Variants in STARD9 observed in about 807,000 individuals in gnomAD.
STARD9 encodes the protein stAR-related lipid transfer protein 9.
Under a neutral mutation model 399.8 loss-of-function variants are expected in STARD9, and 346 were observed. That is an observed-to-expected ratio of 0.87 (90% confidence interval 0.79 to 0.95). STARD9 has a LOEUF of 0.95. Among genes scored for constraint, STARD9 ranks in the 40% least tolerant of loss-of-function variants. STARD9 has a pLI of 0.00. For synonymous variants in STARD9, 2,203 were observed against 2,143.5 expected, an observed-to-expected ratio of 1.03 and a Z score of -0.77; for missense variants, 5,832 against 5,667.5, an observed-to-expected ratio of 1.03 and a Z score of -0.93.
rs2060321796 is a variant in STARD9 at position 42,676,893 on chromosome 15, A to G, written c.1874+918A>G. 1.3e-5 allele frequency among the ~76,000 whole-genome samples: 2 copies of G among 151,996 alleles called. 1 individual carries two copies. Among genetic ancestry groups the G allele is most frequent in the South Asian group, 4.2e-4 (2 of 4,816 alleles). On this transcript the variant is annotated intron_variant, in intron 20 of 32. Coordinates refer to ENST00000290607, the MANE Select transcript of STARD9 (RefSeq NM_020759.3). The stretch of plus-strand genomic sequence containing the variant: ...TCTTTCCTCAGGCCAGCAGCATTTG[A>G]TGGCAGATGAAGACAATCTTATGTC...
In STARD9 at chr15:42,651,067, A is replaced by T; in HGVS notation, c.611A>T (p.Glu204Val). Reference sequence around the variant, plus strand: ...TATAAGCAAGTAATCCAACTCTTGGAGGAGGGAATTGCAAACAGGTAACAG... The same window carrying T: ...TATAAGCAAGTAATCCAACTCTTGGTGGAGGGAATTGCAAACAGGTAACAG... Reference protein sequence around the residue: ...TNYKQVIQLLEEGIANRITAA... With the variant: ...TNYKQVIQLLVEGIANRITAA... The change falls in exon 8 of 33, where the codon GAG becomes GTG. Residue 204 changes from glutamate (E) to valine (V), a missense_variant. Glu to Val is a moderately radical substitution (Grantham distance 121). Around this residue, in one of 2 missense-constraint regions of STARD9, gnomAD observed 5,828 missense variants for 5,651.1 expected, o/e 1.03. Coordinates refer to ENST00000290607, the MANE Select transcript of STARD9 (RefSeq NM_020759.3). The T allele has an allele frequency of 6.5e-7, 1 of 1,534,788 alleles. No individual in the cohort carries two copies. Among genetic ancestry groups the T allele is most frequent in the South Asian group, 1.2e-5 (1 of 83,900 alleles).
At chr15:42,617,172 A>G (rs1015361985) in intron 3 of STARD9, among the ~76,000 whole-genome samples, 2 of 152,224 alleles carry the variant, frequency 1.3e-5, no homozygotes, top group Admixed American at 1.3e-4. Flanking sequence ...TACATGCTTT[A>G]CAAATACTGG....
At chr15:42,714,400 T>A (rs1566968030) in intron 26 of STARD9, among the ~76,000 whole-genome samples, 1 of 152,176 alleles carries the variant, frequency 6.6e-6, no homozygotes, top group East Asian at 1.9e-4. Flanking sequence ...TTGAGTCAGT[T>A]TAACTTTTGA....
At position 42,711,329 on chromosome 15, in the gene STARD9, C is replaced by T. The variant is rs552989449; in HGVS notation, c.13285-5348C>T. The stretch of plus-strand genomic sequence containing the variant: ...TAATTTTTTGTATTTTTAGTAGAGA[C>T]GGGGTTTCACCATGTTGGCCAGGCT... On this transcript the variant is annotated intron_variant, in intron 26 of 32. Transcript: ENST00000290607. Among the ~76,000 whole-genome samples the T allele has an allele frequency of 2.0e-4, 31 of 152,086 alleles. 1 individual carries two copies. Among genetic ancestry groups the T allele is most frequent in the African/African-American group, 6.3e-4 (26 of 41,472 alleles).
At chr15:42,694,769 G>A (rs1209730346) in intron 24 of STARD9, 44 bp downstream of exon 24, 1 of 1,504,832 alleles carries the variant, frequency 6.6e-7, no homozygotes, top group South Asian at 1.2e-5. Flanking sequence ...CTCTGTTGGG[G>A]GAGGGGAGTA....
chr15:42,639,948 G>A (rs937135203), intron 7 of STARD9, among the ~76,000 whole-genome samples: 10 of 151,892 alleles, frequency 6.6e-5, no homozygotes, highest in African/African-American at 2.4e-4. Context: ...TTAGCCACAA[G>A]GTCTTATTCT....
In STARD9 at chr15:42,663,280, G is replaced by A. The variant is rs79640960; in HGVS notation, c.869-1G>A. On this transcript the variant is annotated splice_acceptor_variant, in intron 11 of 32. Coordinates refer to ENST00000290607, the MANE Select transcript of STARD9 (RefSeq NM_020759.3). LOFTEE classifies it high-confidence loss of function. ...TCCATTTTCTTTTTTCATCTTTTAA[G>A]CCCAGAACTCCCAAGTTTTCAGCAG... is the stretch of plus-strand genomic sequence containing the variant. 6.5e-7 allele frequency: 1 copy of A among 1,528,450 alleles called. No homozygotes were observed. The highest frequency in any genetic ancestry group is 8.8e-7 in the Non-Finnish European group (1 of 1,140,622). 94.7% of individuals were successfully genotyped at this position (1,528,450 alleles called of 1,614,324 possible).
intron 24 of STARD9, 116 bp downstream of exon 24, chr15:42,694,841 G>A (rs2060805905): frequency 2.9e-6 from 2 of 682,688 alleles, no homozygotes; most frequent in African/African-American, 1.8e-5. Flanking sequence ...CAGGGTAAAT[G>A]GAAAGAGGAC....
rs773084300 is a variant in STARD9, at chr15:42,684,310, C to A, written c.2732C>A (p.Ala911Asp). The A allele has an allele frequency of 3.3e-6, 5 of 1,536,774 alleles. No individual in the cohort carries two copies. The highest frequency in any genetic ancestry group is 4.4e-6 in the Non-Finnish European group (5 of 1,146,654). Residue 911 changes from alanine (A) to aspartate (D), a missense_variant, in exon 23 of 33, where the codon GCC becomes GAC. By Grantham distance (126) the Ala-to-Asp change is moderately radical. This residue lies in a region of STARD9 where 5,828 missense variants were observed against 5,651.1 expected (regional missense o/e 1.03). Transcript: ENST00000290607. ...GQPCTARAALARKGASAPDAC... is the reference protein window; with the variant it reads ...GQPCTARAALDRKGASAPDAC... ...CCCTGCACAGCCAGAGCAGCCTTGG[C>A]CAGGAAGGGAGCCTCAGCTCCAGAC...
intron 22 of STARD9, among the ~76,000 whole-genome samples, chr15:42,683,502 A>G (rs1186861336): frequency 6.6e-6 from 1 of 152,204 alleles, no homozygotes; most frequent in Non-Finnish European, 1.5e-5. Flanking sequence ...TTATTGTGAC[A>G]GCTACCAAAA....
At chr15:42,675,055 A>G in intron 18 of STARD9, 91 bp downstream of exon 18, 1 of 1,334,088 alleles carries the variant, frequency 7.5e-7, no homozygotes, top group South Asian at 1.7e-5. Context: ...AGCAGGCTTT[A>G]AAAATGGATC....
Position 42,684,908 on chromosome 15 carries a change from TTCTC to T in STARD9, c.3335_3338del (p.Leu1112HisfsTer8), listed in dbSNP as rs1300543150. 6.5e-7 allele frequency: 1 copy of T among 1,536,966 alleles called. No individual in the cohort carries two copies. The highest frequency in any genetic ancestry group is 1.4e-5 in the African/African-American group (1 of 73,058). ...ACACAGATAGCAACTACTCATTGGATTCTCTCTCATGTGTCTATGCCAAAGCCCT... is the reference window on the plus strand; with the variant it reads ...ACACAGATAGCAACTACTCATTGGATTCTCATGTGTCTATGCCAAAGCCCT... On this transcript the variant is annotated frameshift_variant, in exon 23 of 33. Coordinates refer to ENST00000290607, the MANE Select transcript of STARD9 (RefSeq NM_020759.3). LOFTEE classifies it high-confidence loss of function.
intron 3 of STARD9, among the ~76,000 whole-genome samples, chr15:42,610,919 A>G (rs1193206997): frequency 6.6e-6 from 1 of 152,220 alleles, no homozygotes; most frequent in Non-Finnish European, 1.5e-5. Flanking sequence ...TTGATATAGT[A>G]TCAGTCACAG....
intron 9 of STARD9, among the ~76,000 whole-genome samples, chr15:42,659,067 C>T (rs562689182): frequency 6.6e-6 from 1 of 152,108 alleles, no homozygotes; most frequent in African/African-American, 2.4e-5. Flanking sequence ...GAGCCAAGAT[C>T]GTGCCACTGC....
At chr15:42,633,164 AG>A (rs1405047120) in intron 3 of STARD9, among the ~76,000 whole-genome samples, 1 of 151,940 alleles carries the variant, frequency 6.6e-6, no homozygotes, top group Non-Finnish European at 1.5e-5. Flanking sequence ...AAAAAAGAAC[AG>A]GGAGTGTAGT....
chr15:42,674,209 T>C (rs949201002), intron 16 of STARD9, among the ~76,000 whole-genome samples: 4 of 152,232 alleles, frequency 2.6e-5, no homozygotes, highest in Non-Finnish European at 5.9e-5. Flanking sequence ...CTTTGTGGTA[T>C]ATTTTTTAGC....
Position 42,694,655 on chromosome 15 carries a change from G to C in STARD9, c.12892G>C (p.Asp4298His). The change falls in exon 24 of 33, where the codon GAT becomes CAT. Residue 4298 changes from aspartate to histidine, a missense_variant. This residue lies in a region of STARD9 where 5,828 missense variants were observed against 5,651.1 expected (regional missense o/e 1.03). Transcript: ENST00000290607. ...GCCCAACAAAGATCTCTTCATCTGG[G>C]ATCTTGACTTGCCCAGCAGACGCCG... is the stretch of plus-strand genomic sequence containing the variant. ...LLPNKDLFIW[D>H]LDLPSRRREY... is the part of the protein sequence containing the mutation. The C allele has an allele frequency of 6.5e-7, 1 of 1,537,206 alleles. No homozygotes were observed. The highest frequency in any genetic ancestry group is 8.7e-7 in the Non-Finnish European group (1 of 1,146,906).
At chr15:42,708,429 G>A (rs1218824199) in intron 26 of STARD9, among the ~76,000 whole-genome samples, 1 of 152,154 alleles carries the variant, frequency 6.6e-6, no homozygotes, top group African/African-American at 2.4e-5. Flanking sequence ...AGAGAGTTGA[G>A]TAGCTGCAGC....
intron 26 of STARD9, among the ~76,000 whole-genome samples, chr15:42,712,746 C>T (rs951776492): frequency 1.3e-5 from 2 of 152,032 alleles, no homozygotes; most frequent in Non-Finnish European, 1.5e-5. Flanking sequence ...TGCCTGGGCT[C>T]GTCTCAAACT....
Sources: allele counts gnomAD v4.1 joint callset (sites outside exome capture counted in the v4.1 genomes callset), GRCh38; gene constraint gnomAD v4.1.1; regional missense constraint gnomAD v4.1.1; transcripts MANE v1.5; gene names NCBI Gene and HGNC (gene_info 2026-07-23, HGNC 2026-07-21).